Variants in RHOT1 observed in about 807,000 individuals in gnomAD.
The protein encoded by RHOT1 is ras homolog family member T1.
RHOT1 carries 27 observed loss-of-function variants against 95.3 expected under a neutral mutation model. The ratio of observed to expected loss-of-function variants is 0.28; its 90% CI spans 0.21 to 0.39. The LOEUF (loss-of-function observed/expected upper bound fraction) is 0.39, where lower values mean the gene tolerates loss of function less well. Among genes scored for constraint, RHOT1 ranks in the 10% least tolerant of loss-of-function variants. RHOT1 has a pLI of 1.00. For synonymous variants in RHOT1, 227 were observed against 263.5 expected (o/e 0.86, Z 1.34); for missense variants, 578 against 786.7 (o/e 0.73, Z 3.17).
At chr17:32,211,004 T>C in intron 18 of RHOT1, 112 bp from the exon 19 acceptor site, 1 of 1,075,066 alleles carries the variant, frequency 9.3e-7, no homozygotes, top group Non-Finnish European at 1.3e-6. Context: ...TTTTCCTTTC[T>C]ACAAAGAGTG....
At chr17:32,149,564 C>T (rs1265213595) in intron 1 of RHOT1, among the ~76,000 whole-genome samples, 12 of 96,398 alleles carry the variant, frequency 1.2e-4, no homozygotes, top group African/African-American at 4.7e-4. Context: ...GAGGCCGAGG[C>T]GGGTGAATCA....
chr17:32,151,113 C>T, intron 1 of RHOT1: 1 of 894,412 alleles, frequency 1.1e-6, no homozygotes, highest in South Asian at 1.3e-5. Context: ...CTCACATCCT[C>T]TCCAATTTAC....
intron 13 of RHOT1, 106 bp downstream of exon 13, chr17:32,199,656 A>G (rs2037165229): frequency 1.1e-6 from 1 of 917,748 alleles, no homozygotes; most frequent in Admixed American, 3.1e-5. Context: ...GAAATTCTTC[A>G]ATCATAATTG....
chr17:32,194,564 G>T (rs1480341556), intron 11 of RHOT1, among the ~76,000 whole-genome samples: 1 of 152,130 alleles, frequency 6.6e-6, no homozygotes, highest in African/African-American at 2.4e-5. Flanking sequence ...ATTATCCCCA[G>T]TTGAGAACCA....
In RHOT1 at chr17:32,179,298, C is replaced by T. The variant is rs1484608401; in HGVS notation, c.329+3085C>T. The T allele has an allele frequency of 2.8e-5, 4 of 144,744 alleles. No homozygotes were observed. In the Admixed American group the frequency reaches 2.8e-4, roughly 10 times the overall value. The allele number at this position is 144,744 out of a possible 1,614,324, so 9.0% of individuals were successfully genotyped here. ...AGGAGCGCCTCTGCCCAGCTGCCAC[C>T]CCGTCTGGGATGTGAGGAGCGCCTC... On this transcript the variant is annotated intron_variant, in intron 6 of 19. Transcript: ENST00000545287.
chr17:32,154,285 T>TAAAAAAAAAAAA lies in RHOT1; in HGVS notation c.37+11558_37+11569dup, dbSNP rs539073195. On this transcript the variant is annotated intron_variant, in intron 1 of 19. Transcript: ENST00000545287. Reference sequence around the variant, plus strand: ...GGGAGACCCCGTCTCTACGAGAAATTAAAAAAAAAAAAAGGCCAGGCGCAG... The same window carrying TAAAAAAAAAAAA: ...GGGAGACCCCGTCTCTACGAGAAATTAAAAAAAAAAAAAAAAAAAAAAAAAGGCCAGGCGCAG... 8.4e-4 allele frequency among the ~76,000 whole-genome samples: 105 copies of TAAAAAAAAAAAA among 124,796 alleles called. 1 individual carries two copies. The highest frequency in any genetic ancestry group is 3.0e-3 in the African/African-American group (95 of 32,186). The allele number at this position is 124,796 out of a possible 152,430, so 81.9% of individuals were successfully genotyped here.
At chr17:32,208,008 G>A (rs2037873617) in intron 17 of RHOT1, 99 bp from the exon 18 acceptor site, 4 of 1,066,946 alleles carry the variant, frequency 3.7e-6, no homozygotes, top group South Asian at 1.5e-5. Flanking sequence ...TGAAACTACT[G>A]TTGCTTTGCC....
chr17:32,190,623 T>C (rs1436632898), intron 8 of RHOT1, among the ~76,000 whole-genome samples: 3 of 152,244 alleles, frequency 2.0e-5, no homozygotes, highest in Admixed American at 6.5e-5. Context: ...ATTAAACTTT[T>C]TTAAAAGGAG....
At chr17:32,214,198 T>A (rs1197372851) in intron 19 of RHOT1, among the ~76,000 whole-genome samples, 4 of 151,976 alleles carry the variant, frequency 2.6e-5, no homozygotes, top group African/African-American at 9.7e-5. Flanking sequence ...TGCCCACAGG[T>A]CCCGGATGGA....
At chr17:32,156,917 T>C (rs1252884558) in intron 1 of RHOT1, among the ~76,000 whole-genome samples, 2 of 152,278 alleles carry the variant, frequency 1.3e-5, no homozygotes, top group Non-Finnish European at 2.9e-5. Context: ...AGCTCTCATC[T>C]TGATTAATCC....
intron 1 of RHOT1, chr17:32,151,390 T>A: frequency 1.6e-6 from 1 of 629,900 alleles, no homozygotes; most frequent in Non-Finnish European, 2.9e-6. Context: ...CCAGTTTGGA[T>A]GACAGAGTGA....
rs1320470139 is a variant in RHOT1 at position 32,202,870 on chromosome 17, T to G, written c.1302T>G (p.Val434=). The change falls in exon 15 of 20, where the codon GTT becomes GTG. Residue 434 remains valine (V), a synonymous_variant. Transcript: ENST00000545287. Reference sequence around the variant, plus strand: ...TGAAAAACTGTGGGAAAAGTGGAGTTCTTCAGGCTCTTCTTGGAAGAAACT... The same window carrying G: ...TGAAAAACTGTGGGAAAAGTGGAGTGCTTCAGGCTCTTCTTGGAAGAAACT... ...IGVKNCGKSG[V]LQALLGRNLM... 1.9e-6 allele frequency: 3 copies of G among 1,613,162 alleles called. No individual in the cohort carries two copies. The highest frequency in any genetic ancestry group is 2.2e-5 in the South Asian group (2 of 90,872).
intron 1 of RHOT1, among the ~76,000 whole-genome samples, chr17:32,168,447 A>AG (rs1222795680): frequency 6.6e-6 from 1 of 151,742 alleles, no homozygotes; most frequent in Non-Finnish European, 1.5e-5. Context: ...TTTTTTAAAA[A>AG]CTGTTTTGTA....
chr17:32,164,483 C>T (rs879586789), intron 1 of RHOT1, among the ~76,000 whole-genome samples: 103 of 152,056 alleles, frequency 6.8e-4, no homozygotes, highest in Non-Finnish European at 6.6e-4. Flanking sequence ...CCGCCCACCT[C>T]GGCCTCCCAA....
intron 19 of RHOT1, among the ~76,000 whole-genome samples, chr17:32,219,491 A>G (rs1367951190): frequency 6.6e-6 from 1 of 152,224 alleles, no homozygotes; most frequent in Non-Finnish European, 1.5e-5. Context: ...ATGCCCTTGC[A>G]CTAAAGATAT....
chr17:32,162,686 A>T (rs1365046425), intron 1 of RHOT1, among the ~76,000 whole-genome samples: 2 of 152,216 alleles, frequency 1.3e-5, no homozygotes, highest in African/African-American at 4.8e-5. Context: ...TTCATGTAAA[A>T]TTGGAAAATT....
At chr17:32,155,094 AG>A (rs2032809686) in intron 1 of RHOT1, among the ~76,000 whole-genome samples, 1 of 152,160 alleles carries the variant, frequency 6.6e-6, no homozygotes, top group Non-Finnish European at 1.5e-5. Flanking sequence ...AAAAAAGAAA[AG>A]AAAAAGAAAA....
chr17:32,178,868 C>T, intron 6 of RHOT1: 1 of 154,218 alleles, frequency 6.5e-6, no homozygotes, highest in Non-Finnish European at 1.4e-5. Context: ...GCGCCTCTGC[C>T]CGGCCGCCAC....
chr17:32,181,592 G>A (rs1250634669), intron 6 of RHOT1, among the ~76,000 whole-genome samples: 2 of 152,014 alleles, frequency 1.3e-5, no homozygotes, highest in African/African-American at 4.8e-5. Context: ...ATATACTGAG[G>A]TACATACCTG....
Sources: allele counts gnomAD v4.1 joint callset (sites outside exome capture counted in the v4.1 genomes callset), GRCh38; gene constraint gnomAD v4.1.1; transcripts MANE v1.5; gene names NCBI Gene and HGNC (gene_info 2026-07-23, HGNC 2026-07-21).